The following CIT variants were observed in gnomAD, a reference collection of about 807,000 sequenced individuals.
CIT encodes the protein citron rho-interacting serine/threonine kinase.
Under a neutral mutation model 272.7 loss-of-function variants are expected in CIT, and 79 were observed. The observed-to-expected ratio is 0.29, with a 90% confidence interval of 0.24 to 0.35. The LOEUF (loss-of-function observed/expected upper bound fraction) is 0.35. Ranked by LOEUF, CIT falls within the 10% of genes least tolerant of loss-of-function variation. The probability of loss-of-function intolerance (pLI) is 1.00; values close to 1 mark genes in which losing one functional copy is unlikely to be tolerated. For missense variants in CIT, 1,909 were observed against 2,618.3 expected (o/e 0.73, Z 5.91); for synonymous variants, 948 against 995.6 (o/e 0.95, Z 0.90).
At chr12:119,736,463 G>A (rs1958760305) in intron 24 of CIT, among the ~76,000 whole-genome samples, 1 of 152,146 alleles carries the variant, frequency 6.6e-6, no homozygotes, top group African/African-American at 2.4e-5. Context: ...GTACTCAGAG[G>A]AGATACAACT....
At chr12:119,774,874 G>A (rs940521986) in intron 16 of CIT, among the ~76,000 whole-genome samples, 7 of 152,242 alleles carry the variant, frequency 4.6e-5, no homozygotes, top group South Asian at 2.1e-4. Flanking sequence ...CCCAGGAGGC[G>A]GAGGTGGGAG....
intron 47 of CIT, among the ~76,000 whole-genome samples, chr12:119,689,042 G>A (rs1378568900): frequency 4.0e-5 from 6 of 151,704 alleles, no homozygotes; most frequent in Admixed American, 3.9e-4. Context: ...TCAGACAGAT[G>A]GTGGCTTGAG....
In CIT at chr12:119,770,980, G is replaced by A. The variant is rs916942165; in HGVS notation, c.2083-70C>T. On this transcript the variant is annotated intron_variant, in intron 17 of 47. Transcript: ENST00000392521. The surrounding 1 kb of genome is among the most constrained non-coding windows in gnomAD (Gnocchi z 4.4). ...TATGGGCATAACACCTGCACCGAGG[G>A]AAAGAGCCCTCAAGAAGCATACACT... is the stretch of plus-strand genomic sequence containing the variant. The A allele has an allele frequency of 1.9e-6, 3 of 1,554,002 alleles. No homozygotes were observed. Among genetic ancestry groups the A allele is most frequent in the Non-Finnish European group, 2.6e-6 (3 of 1,148,158 alleles).
chr12:119,759,765 G>T (rs183670014), intron 20 of CIT, among the ~76,000 whole-genome samples: 2 of 152,026 alleles, frequency 1.3e-5, no homozygotes, highest in Admixed American at 6.6e-5. Context: ...CCACAAAACC[G>T]GTCCCTGGTG....
chr12:119,723,294 G>A (rs906517063), intron 28 of CIT, among the ~76,000 whole-genome samples: 3 of 151,360 alleles, frequency 2.0e-5, no homozygotes, highest in East Asian at 1.9e-4. Context: ...TGCTGGGGAC[G>A]AGAATCTGTT....
Position 119,869,064 on chromosome 12 carries a change from C to T in CIT, c.234G>A (p.Arg78=), listed in dbSNP as rs2138396576. The T allele has an allele frequency of 1.9e-6, 3 of 1,609,984 alleles. No homozygotes were observed. The highest frequency in any genetic ancestry group is 2.2e-5 in the East Asian group (1 of 44,840). The change falls in exon 3 of 48, where the codon CGG becomes CGA. Residue 78 remains arginine (R), a synonymous_variant. Transcript: ENST00000392521. ...MKIKHVSNFV[R]KYSDTIAELQ... is the part of the protein sequence containing the mutation. The stretch of plus-strand genomic sequence containing the variant: ...GAAAAAGTTCCCCAAACTTACACTT[C>T]CGGACAAAGTTGCTCACGTGCTTAA...
chr12:119,849,512 C>A (rs1465109846), intron 5 of CIT, among the ~76,000 whole-genome samples: 1 of 152,128 alleles, frequency 6.6e-6, no homozygotes, highest in South Asian at 2.1e-4. Context: ...TTATAACAAC[C>A]ATGCACTATT....
chr12:119,771,058 A>C, intron 17 of CIT, 148 bp from the exon 18 acceptor site: 1 of 910,680 alleles, frequency 1.1e-6, no homozygotes. Context: ...AGAAAATAAG[A>C]TTCTATAATC....
intron 3 of CIT, 66 bp from the exon 4 acceptor site, chr12:119,857,764 G>GA (rs927837536): frequency 0.094 from 86,164 of 917,962 alleles, no homozygotes; most frequent in South Asian, 0.11. Context: ...CTTTATGAAA[G>GA]AAAAAAAAAA....
chr12:119,834,162 C>T lies in CIT; in HGVS notation c.583G>A (p.Glu195Lys). 6.2e-7 allele frequency: 1 copy of T among 1,614,024 alleles called. No individual in the cohort carries two copies. Among genetic ancestry groups the T allele is most frequent in the Non-Finnish European group, 8.5e-7 (1 of 1,179,908 alleles). Reference protein sequence around the residue: ...LLNRYEDQLDENLIQFYLAEL... With the variant: ...LLNRYEDQLDKNLIQFYLAEL... Reference sequence around the variant, plus strand: ...GCTAGGTAAAACTGTATCAGGTTTTCATCTAACTGGTCCTCATATCTATTC... The same window carrying T: ...GCTAGGTAAAACTGTATCAGGTTTTTATCTAACTGGTCCTCATATCTATTC... The change falls in exon 6 of 48, where the codon GAA becomes AAA. Residue 195 changes from glutamate to lysine, a missense_variant. By Grantham distance (56) the Glu-to-Lys change is moderately conservative. Coordinates refer to ENST00000392521, the MANE Select transcript of CIT (RefSeq NM_001206999.2).
At chr12:119,830,935 C>T (rs750559994) in intron 7 of CIT, among the ~76,000 whole-genome samples, 7 of 152,174 alleles carry the variant, frequency 4.6e-5, no homozygotes, top group African/African-American at 1.4e-4. Flanking sequence ...GGTGCAAACA[C>T]GGTCATTGCA....
At chr12:119,812,319 C>A (rs1296819486) in intron 9 of CIT, among the ~76,000 whole-genome samples, 1 of 152,128 alleles carries the variant, frequency 6.6e-6, no homozygotes, top group Non-Finnish European at 1.5e-5. Context: ...GCCCAGGCAA[C>A]CTTCCCTTTC....
At position 119,730,512 on chromosome 12, in the gene CIT, C is replaced by T. The variant is rs202160916; in HGVS notation, c.3469G>A (p.Glu1157Lys). 4 of 1,613,054 alleles carry T rather than the reference C, an allele frequency of 2.5e-6. No homozygotes were observed. Among genetic ancestry groups the T allele is most frequent in the African/African-American group, 1.3e-5 (1 of 74,926 alleles). ...GCGCTGACCTTGTCAGAGAGGCTCTCGGCCTTCAGCTTCTGCTCTTTGAGA... is the reference window on the plus strand; with the variant it reads ...GCGCTGACCTTGTCAGAGAGGCTCTTGGCCTTCAGCTTCTGCTCTTTGAGA... Reference protein sequence around the residue: ...QALKEQKLKAESLSDKLNDLE... With the variant: ...QALKEQKLKAKSLSDKLNDLE... The change falls in exon 27 of 48, where the codon GAG becomes AAG. Residue 1157 changes from glutamate (E) to lysine (K), a missense_variant. Coordinates refer to ENST00000392521, the MANE Select transcript of CIT (RefSeq NM_001206999.2).
intron 9 of CIT, among the ~76,000 whole-genome samples, chr12:119,820,847 G>A (rs1237897392): frequency 2.0e-5 from 3 of 152,058 alleles, no homozygotes; most frequent in Non-Finnish European, 2.9e-5. Context: ...GCACACACCT[G>A]TAGTCCTAGC....
intron 7 of CIT, among the ~76,000 whole-genome samples, chr12:119,829,344 A>AAGAGAAGAGAAG (rs1968425438): frequency 7.5e-6 from 1 of 133,344 alleles, no homozygotes; most frequent in Non-Finnish European, 1.6e-5. Flanking sequence ...CTTGAAAGAA[A>AAGAGAAGAGAAG]AGAAGAGAAG....
At chr12:119,707,310 T>C (rs1328837176) in intron 40 of CIT, among the ~76,000 whole-genome samples, 1 of 152,218 alleles carries the variant, frequency 6.6e-6, no homozygotes, top group African/African-American at 2.4e-5. Flanking sequence ...ATTTCATGGC[T>C]ACACAAATTA....
chr12:119,805,966 C>G (rs981815494), intron 9 of CIT, among the ~76,000 whole-genome samples: 4 of 151,980 alleles, frequency 2.6e-5, no homozygotes, highest in African/African-American at 9.7e-5. Flanking sequence ...AAAACCCCAT[C>G]TCTATTAAAA....
At chr12:119,695,118 A>T (rs1357515159) in intron 46 of CIT, among the ~76,000 whole-genome samples, 1 of 152,128 alleles carries the variant, frequency 6.6e-6, no homozygotes, top group Non-Finnish European at 1.5e-5. Context: ...AACAATTCAA[A>T]GAGTGTTTAT....
At chr12:119,819,603 C>T (rs1681596178) in intron 9 of CIT, among the ~76,000 whole-genome samples, 1 of 152,192 alleles carries the variant, frequency 6.6e-6, no homozygotes, top group Admixed American at 6.5e-5. Flanking sequence ...TGAAACCGCA[C>T]AAAGGCTAAT....
Sources: gnomAD v4.1 joint callset for allele counts (sites outside exome capture counted in the v4.1 genomes callset) on GRCh38, gnomAD v4.1.1 for gene constraint, Gnocchi (gnomAD v3.1) non-coding constraint, MANE v1.5 for transcripts, NCBI Gene and HGNC (gene_info 2026-07-23, HGNC 2026-07-21) for gene names.